The following RANBP2 variants were observed in gnomAD, a reference collection of about 807,000 sequenced individuals.
The protein encoded by RANBP2 is RAN binding protein 2.
RANBP2 carries 57 observed loss-of-function variants against 303.6 expected under a neutral mutation model. That is an observed-to-expected ratio of 0.19 (90% CI 0.15 to 0.23). The LOEUF (loss-of-function observed/expected upper bound fraction) is 0.23, where lower values mean the gene tolerates loss of function less well. RANBP2 is among the 10% of genes least tolerant of loss of function. RANBP2 has a pLI of 1.00. For missense variants in RANBP2, 3,138 were observed against 3,780.8 expected, an observed-to-expected ratio of 0.83 and a Z score of 4.46; for synonymous variants, 1,167 against 1,301.5, an observed-to-expected ratio of 0.90 and a Z score of 2.23.
chr2:109,402,775 G>A, the RANBP2 span, among the ~76,000 whole-genome samples: 1 of 152,246 alleles, frequency 6.6e-6, no homozygotes, highest in Admixed American at 6.5e-5. Context: ...GGGGGGCAGA[G>A]GATTACAGAT....
the RANBP2 span, among the ~76,000 whole-genome samples, chr2:109,719,173 C>T: frequency 1.2e-4 from 17 of 145,054 alleles, no homozygotes; most frequent in South Asian, 2.2e-4. Flanking sequence ...CTGGGCTCAC[C>T]GCAACCTCCG....
At chr2:109,510,993 A>G in the RANBP2 span, among the ~76,000 whole-genome samples, 1 of 152,196 alleles carries the variant, frequency 6.6e-6, no homozygotes, top group African/African-American at 2.4e-5. Context: ...AGCACTCTAC[A>G]TCCATTGCCT....
At chr2:108,942,610 C>T in the RANBP2 span, among the ~76,000 whole-genome samples, 1 of 152,256 alleles carries the variant, frequency 6.6e-6, no homozygotes, top group Admixed American at 6.5e-5. Context: ...CTGAGTGAGG[C>T]CGTGAGGCGG....
At chr2:109,280,327 G>C in the RANBP2 span, among the ~76,000 whole-genome samples, 1 of 152,194 alleles carries the variant, frequency 6.6e-6, no homozygotes, top group Non-Finnish European at 1.5e-5. Context: ...GCCCAGAGAG[G>C]GGGCCCCACA....
chr2:109,323,987 C>G, the RANBP2 span, among the ~76,000 whole-genome samples: 1 of 152,200 alleles, frequency 6.6e-6, no homozygotes, highest in African/African-American at 2.4e-5. Flanking sequence ...CCCCCAGCCC[C>G]TGGAAAACAC....
chr2:109,376,798 A>G, the RANBP2 span, among the ~76,000 whole-genome samples: 8 of 152,214 alleles, frequency 5.3e-5, no homozygotes, highest in African/African-American at 1.9e-4. Flanking sequence ...GTGGCATCCC[A>G]AGGATCCTTA....
the RANBP2 span, among the ~76,000 whole-genome samples, chr2:109,237,174 T>C: frequency 7.4e-3 from 1,124 of 152,314 alleles, 9 homozygotes; most frequent in South Asian, 0.024. Context: ...TTGTAATATA[T>C]GAACACTCTG....
At chr2:109,377,266 G>A in the RANBP2 span, among the ~76,000 whole-genome samples, 15 of 152,178 alleles carry the variant, frequency 9.9e-5, no homozygotes, top group African/African-American at 2.9e-4. Context: ...GTGGGCCAGC[G>A]GGGCGTTGGT....
rs748698402 is a variant in RANBP2, at chr2:108,765,719, A to G, written c.5180A>G (p.Gln1727Arg). 23 of 1,613,828 alleles carry G rather than the reference A, an allele frequency of 1.4e-5. No individual in the cohort carries two copies. In the Admixed American group the frequency reaches 3.8e-4, roughly 27 times the overall value. ...GGAATGTTCACTAAGAAGGAAGGAC[A>G]GTGGGATTGCAGTGTGTGCTTAGTA... ...FEGMFTKKEG[Q>R]WDCSVCLVRN... The change falls in exon 20 of 29, where the codon CAG (glutamine) becomes CGG (arginine). Residue 1727 changes from glutamine to arginine, a missense_variant. Around this residue, in one of 20 missense-constraint regions of RANBP2, gnomAD observed 51 missense variants for 112.1 expected, o/e 0.45. Transcript: ENST00000283195.
At chr2:109,188,152 C>T in the RANBP2 span, among the ~76,000 whole-genome samples, 6 of 152,244 alleles carry the variant, frequency 3.9e-5, no homozygotes, top group Admixed American at 1.3e-4. Context: ...TGACTTACAG[C>T]AGTGTATTGA....
At chr2:109,620,028 G>A in the RANBP2 span, among the ~76,000 whole-genome samples, 1 of 152,080 alleles carries the variant, frequency 6.6e-6, no homozygotes, top group African/African-American at 2.4e-5. Flanking sequence ...CTCTTTAAAT[G>A]TCAGTTTCAT....
At chr2:109,396,138 A>G in the RANBP2 span, among the ~76,000 whole-genome samples, 1 of 152,180 alleles carries the variant, frequency 6.6e-6, no homozygotes, top group Non-Finnish European at 1.5e-5. Context: ...ATACCCTGTC[A>G]AGTGGGCAGA....
At chr2:109,561,205 G>C in the RANBP2 span, among the ~76,000 whole-genome samples, 1 of 152,060 alleles carries the variant, frequency 6.6e-6, no homozygotes, top group Non-Finnish European at 1.5e-5. Context: ...TTCTTCCGGA[G>C]TCTTACAGAT....
At chr2:108,870,370 C>CT in the RANBP2 span, among the ~76,000 whole-genome samples, 1 of 152,054 alleles carries the variant, frequency 6.6e-6, no homozygotes, top group African/African-American at 2.4e-5. Flanking sequence ...TTACGCAGTA[C>CT]CATCAGGCAG....
At chr2:109,306,596 G>A in the RANBP2 span, among the ~76,000 whole-genome samples, 1 of 152,176 alleles carries the variant, frequency 6.6e-6, no homozygotes, top group African/African-American at 2.4e-5. Context: ...GAAGCTACAT[G>A]CCATGGCCGC....
At chr2:109,470,803 A>G in the RANBP2 span, among the ~76,000 whole-genome samples, 3 of 152,250 alleles carry the variant, frequency 2.0e-5, no homozygotes, top group African/African-American at 7.2e-5. Context: ...TTTGCAGGGA[A>G]GTCAGCTCAC....
At chr2:109,467,167 C>T in the RANBP2 span, among the ~76,000 whole-genome samples, 1 of 152,240 alleles carries the variant, frequency 6.6e-6, no homozygotes, top group African/African-American at 2.4e-5. Flanking sequence ...CACAGGCCTA[C>T]ACAAAGGCTC....
the RANBP2 span, among the ~76,000 whole-genome samples, chr2:109,204,116 G>A: frequency 6.6e-6 from 1 of 152,226 alleles, no homozygotes; most frequent in Non-Finnish European, 1.5e-5. Context: ...ACAAGGCGAA[G>A]AGGGTAAGGA....
At chr2:108,907,781 T>C in the RANBP2 span, 1 of 1,551,330 alleles carries the variant, frequency 6.4e-7, no homozygotes, top group Non-Finnish European at 8.9e-7. Flanking sequence ...GGAGAGCTGA[T>C]TCAATAAGAA....
Sources: allele counts gnomAD v4.1 joint callset (sites outside exome capture counted in the v4.1 genomes callset), GRCh38; gene constraint gnomAD v4.1.1; regional missense constraint gnomAD v4.1.1; transcripts MANE v1.5; gene names NCBI Gene and HGNC (gene_info 2026-07-23, HGNC 2026-07-21).